TM7SF3: variants seen among roughly 807,000 people sequenced by gnomAD.
TM7SF3 encodes the protein transmembrane 7 superfamily member 3.
In TM7SF3, 60 loss-of-function variants were observed where a neutral mutation model predicts 65.5. That is an observed-to-expected ratio of 0.92 (90% confidence interval 0.74 to 1.14). The LOEUF is 1.14. Ranked by LOEUF, TM7SF3 falls within the 50% of genes most tolerant of loss-of-function variation. The probability of loss-of-function intolerance (pLI) is 0.00; values close to 1 mark genes in which losing one functional copy is unlikely to be tolerated. For missense variants in TM7SF3, 623 were observed against 684.8 expected (o/e 0.91, Z 1.01); for synonymous variants, 264 against 259.6 (o/e 1.02, Z -0.16).
chr12:26,973,792 C>G lies in TM7SF3; in HGVS notation c.*173G>C, dbSNP rs934663163. ...TTTGGTCATCTTTCTCATTCTCTTA[C>G]AATCATCCTAATCCCCTAGTACACC... is the stretch of plus-strand genomic sequence containing the variant. On this transcript the variant is annotated 3_prime_UTR_variant, in exon 12 of 12. Coordinates refer to ENST00000343028, the MANE Select transcript of TM7SF3 (RefSeq NM_016551.3). The G allele has an allele frequency of 1.3e-6, 1 of 765,172 alleles. No homozygotes were observed. Among genetic ancestry groups the G allele is most frequent in the Non-Finnish European group, 1.9e-6 (1 of 521,692 alleles). 47.4% of individuals were successfully genotyped at this position (765,172 alleles called of 1,614,324 possible).
chr12:26,992,905 CTT>C (rs1202323508), intron 5 of TM7SF3, among the ~76,000 whole-genome samples: 3,606 of 109,846 alleles, frequency 0.033, 103 homozygotes, highest in African/African-American at 0.12. Flanking sequence ...TCCCTAATGT[CTT>C]TTTTTTTTTT....
intron 6 of TM7SF3, among the ~76,000 whole-genome samples, chr12:26,985,769 G>A (rs1940049501): frequency 7.0e-6 from 1 of 142,144 alleles, no homozygotes; most frequent in Non-Finnish European, 1.5e-5. Context: ...AGACTGAGTG[G>A]TGACAAAGAG....
rs748392718 is a variant in TM7SF3, at chr12:26,979,881, A to C, written c.1092T>G (p.Ala364=). 6.2e-7 allele frequency: 1 copy of C among 1,614,192 alleles called. No homozygotes were observed. The change falls in exon 9 of 12, where the codon GCT becomes GCG. Residue 364 remains alanine (A), a synonymous_variant. Coordinates refer to ENST00000343028, the MANE Select transcript of TM7SF3 (RefSeq NM_016551.3). ...TGSVGGMFLV[A]VWWRFGILSI... ...AGAGGATTCCAAATCGCCACCACAC[A>C]GCTACCAAGAACATTCCACCGACGC...
At chr12:27,003,815 A>G (rs1045175312) in intron 1 of TM7SF3, among the ~76,000 whole-genome samples, 2 of 152,222 alleles carry the variant, frequency 1.3e-5, no homozygotes, top group Admixed American at 6.5e-5. Flanking sequence ...CGTAGCCCGA[A>G]GAGACACAGG....
intron 1 of TM7SF3, among the ~76,000 whole-genome samples, chr12:27,004,054 T>C (rs1940938236): frequency 6.6e-6 from 1 of 152,072 alleles, no homozygotes; most frequent in Non-Finnish European, 1.5e-5. Flanking sequence ...TCAAACTGAG[T>C]CCATAAAAAA....
chr12:27,002,789 G>C (rs1340347145), intron 2 of TM7SF3, among the ~76,000 whole-genome samples: 1 of 152,130 alleles, frequency 6.6e-6, no homozygotes, highest in Non-Finnish European at 1.5e-5. Flanking sequence ...TAATTTTTTT[G>C]TTGTTTGCGT....
chr12:26,982,162 G>C (rs1939845160), intron 7 of TM7SF3, among the ~76,000 whole-genome samples: 1 of 151,864 alleles, frequency 6.6e-6, no homozygotes, highest in African/African-American at 2.4e-5. Flanking sequence ...GCCTCCCCAT[G>C]TAGCTGGGAC....
chr12:26,985,031 A>G (rs2136393997), intron 6 of TM7SF3, among the ~76,000 whole-genome samples: 1 of 152,306 alleles, frequency 6.6e-6, no homozygotes, highest in South Asian at 2.1e-4. Context: ...TAGAACTAAC[A>G]TCACTAGGAA....
At chr12:26,997,587 A>C (rs1940650100) in intron 3 of TM7SF3, among the ~76,000 whole-genome samples, 1 of 151,612 alleles carries the variant, frequency 6.6e-6, no homozygotes, top group African/African-American at 2.4e-5. Context: ...CCTATCTTCT[A>C]CTCCAGTAAT....
chr12:26,993,520 A>G (rs1446128215), intron 5 of TM7SF3, among the ~76,000 whole-genome samples: 3 of 152,204 alleles, frequency 2.0e-5, no homozygotes, highest in African/African-American at 7.2e-5. Context: ...AGCACGTAAT[A>G]CAGGCTGATC....
At chr12:26,983,206 G>A (rs1166767124) in intron 6 of TM7SF3, among the ~76,000 whole-genome samples, 2 of 133,332 alleles carry the variant, frequency 1.5e-5, no homozygotes, top group Non-Finnish European at 3.1e-5. Flanking sequence ...CAAATAAACT[G>A]CATGGACAAA....
At chr12:26,987,931 T>C (rs562854419) in intron 6 of TM7SF3, among the ~76,000 whole-genome samples, 1 of 152,110 alleles carries the variant, frequency 6.6e-6, no homozygotes, top group Non-Finnish European at 1.5e-5. Flanking sequence ...ACTTCCTTTG[T>C]ATTCCTGCCA....
At chr12:27,001,603 T>C (rs1339074277) in intron 2 of TM7SF3, among the ~76,000 whole-genome samples, 1 of 152,188 alleles carries the variant, frequency 6.6e-6, no homozygotes, top group Non-Finnish European at 1.5e-5. Context: ...GTTCAACAAA[T>C]ATAAACCCTT....
intron 9 of TM7SF3, chr12:26,978,561 T>C (rs1006634208): frequency 6.6e-6 from 1 of 152,176 alleles, no homozygotes; most frequent in Non-Finnish European, 1.5e-5. Flanking sequence ...CATTAAGTAG[T>C]AGTTGGTTTT....
Position 26,995,415 on chromosome 12 carries a change from T to C in TM7SF3, c.519-7A>G. 6.2e-7 allele frequency: 1 copy of C among 1,614,026 alleles called. No individual in the cohort carries two copies. Among genetic ancestry groups the C allele is most frequent in the Non-Finnish European group, 8.5e-7 (1 of 1,179,974 alleles). ...TGGTGGGGGATCTACGCCTCTAAAG[T>C]CAACCAACAAAATGAAACATCAGTC... On this transcript the variant is annotated splice_region_variant and splice_polypyrimidine_tract_variant and intron_variant, in intron 4 of 11. Coordinates refer to ENST00000343028, the MANE Select transcript of TM7SF3 (RefSeq NM_016551.3).
rs773959723 is a variant in TM7SF3, at chr12:26,984,660, C to T, written c.869-1801G>A. Among the ~76,000 whole-genome samples, 91 of 151,982 alleles carry T rather than the reference C, an allele frequency of 6.0e-4. 1 individual carries two copies. The highest frequency in any genetic ancestry group is 1.1e-3 in the Admixed American group (17 of 15,266). On this transcript the variant is annotated intron_variant, in intron 6 of 11. Transcript: ENST00000343028. ...TCTTCCAACCCAATAAAAACTAAGA[C>T]ACAGTTAGATACTCTTCCATAACAT... is the stretch of plus-strand genomic sequence containing the variant.
chr12:26,992,531 G>A (rs762929469), intron 5 of TM7SF3, among the ~76,000 whole-genome samples: 5 of 152,102 alleles, frequency 3.3e-5, no homozygotes, highest in African/African-American at 1.2e-4. Flanking sequence ...TGATCCTCCC[G>A]CCTTGGCCTC....
intron 7 of TM7SF3, 85 bp downstream of exon 7, chr12:26,982,688 A>C: frequency 2.3e-6 from 2 of 854,110 alleles, no homozygotes; most frequent in Admixed American, 3.1e-5. Flanking sequence ...AGAGATAAGT[A>C]AGTGCTTACT....
chr12:26,998,580 T>G (rs951361097), intron 3 of TM7SF3, among the ~76,000 whole-genome samples: 2 of 152,204 alleles, frequency 1.3e-5, no homozygotes, highest in African/African-American at 2.4e-5. Flanking sequence ...TTCCCTCTTA[T>G]ACTCCATAAC....
Sources: allele counts gnomAD v4.1 joint callset (sites outside exome capture counted in the v4.1 genomes callset), GRCh38; gene constraint gnomAD v4.1.1; transcripts MANE v1.5; gene names NCBI Gene and HGNC (gene_info 2026-07-23, HGNC 2026-07-21).